SIL1: variants seen among roughly 807,000 people sequenced by gnomAD.
SIL1 encodes the protein SIL1 nucleotide exchange factor.
In SIL1, 40 loss-of-function variants were observed where a neutral mutation model predicts 49.1. The observed-to-expected ratio is 0.81, with a 90% CI of 0.63 to 1.06. The LOEUF is 1.06. Ranked by LOEUF, SIL1 falls within the 50% of genes least tolerant of loss-of-function variation. SIL1 has a pLI of 0.00. For missense variants in SIL1, 500 were observed against 572.6 expected (o/e 0.87, Z 1.29); for synonymous variants, 253 against 250.8 (o/e 1.01, Z -0.08).
At chr5:138,967,774 C>G (rs1289804644) in intron 7 of SIL1, among the ~76,000 whole-genome samples, 2 of 152,126 alleles carry the variant, frequency 1.3e-5, no homozygotes, top group Admixed American at 6.5e-5. Flanking sequence ...CAGCAGCCCC[C>G]CCAGGACTAG....
chr5:139,173,672 C>T (rs1413067308), intron 1 of SIL1, among the ~76,000 whole-genome samples: 1 of 150,242 alleles, frequency 6.7e-6, no homozygotes, highest in Non-Finnish European at 1.5e-5. Flanking sequence ...ATCAGCCAGG[C>T]ACGGTGGCTC....
At chr5:139,090,117 C>T (rs962760167) in intron 3 of SIL1, among the ~76,000 whole-genome samples, 6 of 152,146 alleles carry the variant, frequency 3.9e-5, no homozygotes, top group Non-Finnish European at 8.8e-5. Flanking sequence ...GCCCACTCCA[C>T]ACCACTCCAC....
intron 3 of SIL1, among the ~76,000 whole-genome samples, chr5:139,064,020 A>G (rs1769649099): frequency 6.6e-6 from 1 of 152,212 alleles, no homozygotes; most frequent in African/African-American, 2.4e-5. Flanking sequence ...AAGTGCCAAG[A>G]TATTGTACTT....
chr5:138,978,001 C>A (rs1378602332), intron 7 of SIL1, among the ~76,000 whole-genome samples: 3 of 152,248 alleles, frequency 2.0e-5, no homozygotes, highest in Non-Finnish European at 4.4e-5. Flanking sequence ...ACTAACTCAT[C>A]TAAAGAACCT....
chr5:138,950,102 G>A (rs998272093), intron 9 of SIL1, among the ~76,000 whole-genome samples: 1 of 152,190 alleles, frequency 6.6e-6, no homozygotes, highest in Non-Finnish European at 1.5e-5. Flanking sequence ...CAATGTGTCA[G>A]TGCCATAGTG....
At chr5:138,989,587 C>T (rs1414076125) in intron 7 of SIL1, among the ~76,000 whole-genome samples, 2 of 151,816 alleles carry the variant, frequency 1.3e-5, no homozygotes, top group African/African-American at 2.4e-5. Context: ...GAGAGAGATA[C>T]GGAAGGAGGG....
At chr5:139,005,252 AAAAAT>A (rs2150414664) in intron 7 of SIL1, among the ~76,000 whole-genome samples, 1 of 62,232 alleles carries the variant, frequency 1.6e-5, no homozygotes, top group East Asian at 2.6e-4. Flanking sequence ...CCAAGTAAAA[AAAAAT>A]TTTTTTTAAT....
At position 139,058,954 on chromosome 5, in the gene SIL1, G is replaced by A. The variant is rs552772522; in HGVS notation, c.245-7908C>T. Among the ~76,000 whole-genome samples the A allele has an allele frequency of 1.5e-4, 20 of 130,578 alleles. No homozygotes were observed. In the East Asian group the frequency reaches 1.7e-3, roughly 11 times the overall value. 85.7% of individuals were successfully genotyped at this position (130,578 alleles called of 152,430 possible). A position where few individuals can be genotyped will look rare whatever the true frequency, so the allele number is the denominator to read the frequency against. On this transcript the variant is annotated intron_variant, in intron 3 of 9. Transcript: ENST00000394817. ...GTATTTCTAAGCCCTCTCAGTAGGCGGAGCTAGAAATGTGTATGTGTGTGT... is the reference window on the plus strand; with the variant it reads ...GTATTTCTAAGCCCTCTCAGTAGGCAGAGCTAGAAATGTGTATGTGTGTGT...
chr5:139,003,013 C>T (rs1231043916), intron 7 of SIL1, among the ~76,000 whole-genome samples: 2 of 152,106 alleles, frequency 1.3e-5, no homozygotes, highest in African/African-American at 4.8e-5. Flanking sequence ...AGTTAGGACC[C>T]TGGAGCTAGA....
intron 7 of SIL1, among the ~76,000 whole-genome samples, chr5:139,016,079 C>T (rs888915077): frequency 9.2e-5 from 14 of 151,954 alleles, no homozygotes; most frequent in African/African-American, 3.4e-4. Context: ...GCCTGGGCAA[C>T]ACAGTGAGAC....
chr5:139,043,577 T>C (rs1272556115), intron 4 of SIL1, among the ~76,000 whole-genome samples: 4 of 151,510 alleles, frequency 2.6e-5, no homozygotes, highest in East Asian at 1.9e-4. Flanking sequence ...TACTAAGGAG[T>C]AGAATCAAGG....
In SIL1 at chr5:138,947,297, GC is replaced by G. The variant is rs886043087; in HGVS notation, c.1205del (p.Gly402AlafsTer4). The G allele has an allele frequency of 3.7e-6, 6 of 1,613,484 alleles. No homozygotes were observed. The highest frequency in any genetic ancestry group is 5.1e-6 in the Non-Finnish European group (6 of 1,180,020). ...DAREKVLQTLGVLLTTCRDRY... is the reference protein window; with the variant it reads ...DAREKVLQTLXVLLTTCRDRY... ...GGTCCCGGCAGGTGGTCAGGAGGAC[GC>G]CCAGTGTCTGCAGCACCTTCTCACG... On this transcript the variant is annotated frameshift_variant, in exon 10 of 10. Coordinates refer to ENST00000394817, the MANE Select transcript of SIL1 (RefSeq NM_022464.5). LOFTEE classifies it high-confidence loss of function. This position sits in a 1 kb window ranked among gnomAD's most constrained non-coding sequence, Gnocchi z 4.1.
At chr5:139,102,484 C>CAA (rs57739735) in intron 3 of SIL1, among the ~76,000 whole-genome samples, 9 of 115,578 alleles carry the variant, frequency 7.8e-5, no homozygotes, top group East Asian at 3.5e-4. Context: ...TGTCAGCAGG[C>CAA]AAAAAAAAAA....
chr5:138,970,847 G>A (rs1012818461), intron 7 of SIL1, among the ~76,000 whole-genome samples: 7 of 152,112 alleles, frequency 4.6e-5, no homozygotes, highest in African/African-American at 1.2e-4. Context: ...GGTTGCAGTG[G>A]GCCAAAATTG....
chr5:139,049,091 A>G (rs1201387178), intron 4 of SIL1, among the ~76,000 whole-genome samples: 2 of 152,240 alleles, frequency 1.3e-5, no homozygotes, highest in South Asian at 2.1e-4. Flanking sequence ...ACCTTCTGAC[A>G]GGCATGTCAA....
intron 3 of SIL1, among the ~76,000 whole-genome samples, chr5:139,119,851 GT>G (rs961632801): frequency 2.4e-4 from 37 of 152,322 alleles, no homozygotes; most frequent in South Asian, 2.1e-3. Context: ...ACAGCCTCTG[GT>G]TTTAGTCCTT....
intron 1 of SIL1, among the ~76,000 whole-genome samples, chr5:139,153,126 G>A (rs1461153497): frequency 6.6e-6 from 1 of 151,766 alleles, no homozygotes; most frequent in Non-Finnish European, 1.5e-5. Flanking sequence ...CCTAGAGTTG[G>A]TCTTATACAA....
At chr5:139,086,892 G>A (rs1398574819) in intron 3 of SIL1, among the ~76,000 whole-genome samples, 1 of 151,894 alleles carries the variant, frequency 6.6e-6, no homozygotes, top group African/African-American at 2.4e-5. Context: ...CTCGGGAGGC[G>A]GAGGTTGCAG....
chr5:139,068,377 G>T (rs1481384128), intron 3 of SIL1, among the ~76,000 whole-genome samples: 1 of 152,172 alleles, frequency 6.6e-6, no homozygotes, highest in Admixed American at 6.5e-5. Context: ...GAAGTCTGGG[G>T]TAGGACTTCA....
Sources: allele counts gnomAD v4.1 joint callset (sites outside exome capture counted in the v4.1 genomes callset), GRCh38; gene constraint gnomAD v4.1.1; non-coding constraint Gnocchi (gnomAD v3.1); transcripts MANE v1.5; gene names NCBI Gene and HGNC (gene_info 2026-07-23, HGNC 2026-07-21).